Variants in GYG2 observed in about 807,000 individuals in gnomAD.
GYG2 encodes the protein glycogenin 2, also known as glycogenin-2.
Under a neutral mutation model 29.4 loss-of-function variants are expected in GYG2, and 29 were observed. The ratio of observed to expected loss-of-function variants is 0.99; its 90% CI spans 0.74 to 1.35. GYG2 has a LOEUF of 1.35. Among genes scored for constraint, GYG2 ranks in the 40% most tolerant of loss-of-function variants. The pLI, the probability that GYG2 is intolerant of heterozygous loss-of-function variation, is 0.00. For synonymous variants in GYG2, 167 were observed against 172.3 expected (o/e 0.97, Z 0.24); for missense variants, 370 against 385.7 (o/e 0.96, Z 0.34).
chrX:2,861,661 C>T lies in GYG2; in HGVS notation c.977C>T (p.Pro326Leu), dbSNP rs752410028. The change falls in exon 8 of 11, where the codon CCG becomes CTG. Residue 326 changes from proline to leucine, a missense_variant. Transcript: ENST00000398806. ...TCTAACCAGCCTGCTCAGGGCCTTCCGGAGCCGACCCAGATAGTGGATGAG... is the reference window on the plus strand; with the variant it reads ...TCTAACCAGCCTGCTCAGGGCCTTCTGGAGCCGACCCAGATAGTGGATGAG... Reference protein sequence around the residue: ...LGSNQPAQGLPEPTQIVDETL... With the variant: ...LGSNQPAQGLLEPTQIVDETL... 9.1e-6 allele frequency: 11 copies of T among 1,203,590 alleles called. No homozygotes were observed. The highest frequency in any genetic ancestry group is 7.2e-5 in the South Asian group (4 of 55,758).
chrX:2,845,688 T>C (rs1309589236), intron 3 of GYG2, among the ~76,000 whole-genome samples: 2 of 106,477 alleles, frequency 1.9e-5, no homozygotes, highest in African/African-American at 6.8e-5. Context: ...TGTATGTACA[T>C]ACATTTATTT....
At chrX:2,863,602 C>T (rs749815778) in intron 8 of GYG2, among the ~76,000 whole-genome samples, 8 of 112,464 alleles carry the variant, frequency 7.1e-5, no homozygotes, top group South Asian at 7.3e-4. Context: ...TGTACTCTGG[C>T]GTAAATTATG....
chrX:2,879,186 A>G (rs922649617), intron 10 of GYG2, among the ~76,000 whole-genome samples: 3 of 103,078 alleles, frequency 2.9e-5, no homozygotes, highest in African/African-American at 1.0e-4. Flanking sequence ...GTATATGCCT[A>G]TGGTGTAAAA....
At chrX:2,851,564 T>G (rs780470877) in intron 3 of GYG2, among the ~76,000 whole-genome samples, 1 of 111,389 alleles carries the variant, frequency 9.0e-6, no homozygotes, top group Non-Finnish European at 1.9e-5. Flanking sequence ...TTTTGTCCAG[T>G]GTTTTCTCAT....
chrX:2,840,414 T>C (rs1364886476), intron 2 of GYG2, among the ~76,000 whole-genome samples: 1 of 111,802 alleles, frequency 8.9e-6, no homozygotes. Context: ...AAAAGAAGCC[T>C]TACAGACAGC....
intron 3 of GYG2, among the ~76,000 whole-genome samples, chrX:2,851,772 T>C (rs2087877517): frequency 8.9e-6 from 1 of 112,015 alleles, no homozygotes. Context: ...ATGGAAAATA[T>C]CTTGGCATAG....
intron 8 of GYG2, among the ~76,000 whole-genome samples, chrX:2,870,482 C>T (rs2088442087): frequency 9.0e-6 from 1 of 111,610 alleles, no homozygotes; most frequent in Non-Finnish European, 1.9e-5. Context: ...GCATTACAGG[C>T]ATGAGCCACC....
chrX:2,864,343 C>T (rs11152553), intron 8 of GYG2, among the ~76,000 whole-genome samples: 15,660 of 107,579 alleles, frequency 0.15, 961 homozygotes, highest in Admixed American at 0.27. Flanking sequence ...CAAAGTGGGG[C>T]GGGGGCTTCC....
intron 2 of GYG2, among the ~76,000 whole-genome samples, chrX:2,841,120 GGATA>G (rs1331804808): frequency 2.7e-5 from 3 of 109,993 alleles, no homozygotes; most frequent in South Asian, 4.0e-4. Context: ...ATGAATAGAT[GGATA>G]GATAGATGAT....
Position 2,881,290 on chromosome X carries a change from G to C in GYG2, c.*77G>C. 1 of 868,642 alleles carries C rather than the reference G, an allele frequency of 1.2e-6. No individual in the cohort carries two copies. The allele number at this position is 868,642 out of a possible 1,213,427, so 71.6% of individuals were successfully genotyped here. Reference sequence around the variant, plus strand: ...TCCTGTTGCGTGGAGATCTCCTCTGGTCCTTTCAAAGGGAAACGCTGTTGA... The same window carrying C: ...TCCTGTTGCGTGGAGATCTCCTCTGCTCCTTTCAAAGGGAAACGCTGTTGA... On this transcript the variant is annotated 3_prime_UTR_variant, in exon 11 of 11. Transcript: ENST00000398806.
At chrX:2,845,082 C>CAT (rs1305391439) in intron 3 of GYG2, among the ~76,000 whole-genome samples, 14 of 71,961 alleles carry the variant, frequency 1.9e-4, no homozygotes, top group African/African-American at 7.4e-4. Flanking sequence ...TTTATATACA[C>CAT]GTGTGTATGT....
intron 2 of GYG2, among the ~76,000 whole-genome samples, chrX:2,834,666 A>G (rs5982590): frequency 0.17 from 18,461 of 111,450 alleles, 1,130 homozygotes; most frequent in East Asian, 0.25. Flanking sequence ...TGAACGTGTA[A>G]TGCACTGAGA....
chrX:2,848,453 G>A (rs895735362), intron 3 of GYG2, among the ~76,000 whole-genome samples: 2 of 109,484 alleles, frequency 1.8e-5, no homozygotes, highest in African/African-American at 3.3e-5. Context: ...CAGGAGAATC[G>A]CTTGAACCTG....
At position 2,881,205 on chromosome X, in the gene GYG2, C is replaced by T; in HGVS notation, c.1405C>T (p.Leu469=). The change falls in exon 11 of 11, where the codon CTG becomes TTG. Residue 469 remains leucine, a synonymous_variant. Coordinates refer to ENST00000398806, the MANE Select transcript of GYG2 (RefSeq NM_001079855.2). The stretch of plus-strand genomic sequence containing the variant: ...CATCCAGGAGAAGCTGGACCGGTTC[C>T]TGCAGTAATCCGGCAGCTGGTGGGC... ...ARIQEKLDRF[L]Q The T allele has an allele frequency of 2.5e-6, 3 of 1,184,746 alleles. No individual in the cohort carries two copies. The Admixed American group carries it at 7.0e-5, about 28-fold the overall frequency.
chrX:2,846,055 A>ATATATATT (rs2087723665), intron 3 of GYG2, among the ~76,000 whole-genome samples: 8 of 38,674 alleles, frequency 2.1e-4, no homozygotes, highest in Non-Finnish European at 3.1e-4. Context: ...ATATATATAT[A>ATATATATT]TTTTTTTTTT....
chrX:2,877,596 G>A, intron 10 of GYG2: 1 of 753,275 alleles, frequency 1.3e-6, no homozygotes, highest in South Asian at 6.7e-5. Context: ...AGGGACTGTG[G>A]AAATTAATGC....
intron 8 of GYG2, among the ~76,000 whole-genome samples, chrX:2,864,315 C>T (rs1014155298): frequency 9.0e-6 from 1 of 110,762 alleles, no homozygotes; most frequent in African/African-American, 3.3e-5. Context: ...TGGTTCAGTC[C>T]GGCAAGGCGG....
chrX:2,863,803 G>T (rs1039345697), intron 8 of GYG2, among the ~76,000 whole-genome samples: 2 of 111,743 alleles, frequency 1.8e-5, no homozygotes, highest in African/African-American at 6.5e-5. Context: ...TGCCTCATGC[G>T]AGTCAAGTCA....
intron 8 of GYG2, among the ~76,000 whole-genome samples, chrX:2,869,166 C>G (rs372655246): frequency 1.3e-4 from 15 of 112,301 alleles, no homozygotes; most frequent in African/African-American, 4.2e-4. Flanking sequence ...CATGCACAGA[C>G]TTTTTTCTCT....
Sources: gnomAD v4.1 joint callset for allele counts (sites outside exome capture counted in the v4.1 genomes callset) on GRCh38, gnomAD v4.1.1 for gene constraint, MANE v1.5 for transcripts, NCBI Gene and HGNC (gene_info 2026-07-23, HGNC 2026-07-21) for gene names.